RIT2: variants seen among roughly 807,000 people sequenced by gnomAD.
RIT2 encodes Ras like without CAAX 2, also known as GTP-binding protein Rit2.
Under a neutral mutation model 23.7 loss-of-function variants are expected in RIT2, and 24 were observed. That is an observed-to-expected ratio of 1.01 (90% CI 0.73 to 1.43). RIT2 has a LOEUF of 1.43. RIT2 is among the 40% of genes most tolerant of loss of function. RIT2 has a pLI of 0.00. For synonymous variants in RIT2, 107 were observed against 91.1 expected, an observed-to-expected ratio of 1.17 and a Z score of -0.99; for missense variants, 236 against 266.9, an observed-to-expected ratio of 0.88 and a Z score of 0.81.
intron 2 of RIT2, among the ~76,000 whole-genome samples, chr18:43,022,859 G>A (rs1247600020): frequency 6.6e-6 from 1 of 152,020 alleles, no homozygotes; most frequent in Admixed American, 6.6e-5. Context: ...ACTCAACAGC[G>A]ATAAGATTAT....
chr18:42,897,645 GA>G (rs565392385), intron 4 of RIT2, among the ~76,000 whole-genome samples: 21 of 151,216 alleles, frequency 1.4e-4, no homozygotes, highest in South Asian at 4.2e-4. Context: ...TGTAGTTAGG[GA>G]AAAAAAATGT....
intron 2 of RIT2, among the ~76,000 whole-genome samples, chr18:43,014,886 A>C (rs1190909681): frequency 6.6e-6 from 1 of 151,788 alleles, no homozygotes; most frequent in Non-Finnish European, 1.5e-5. Flanking sequence ...TAATATAGCC[A>C]TGTACAATAA....
intron 3 of RIT2, among the ~76,000 whole-genome samples, chr18:42,970,741 A>G (rs1910342991): frequency 6.6e-6 from 1 of 152,028 alleles, no homozygotes; most frequent in Non-Finnish European, 1.5e-5. Context: ...ATATCCATTT[A>G]TATTCAATCA....
At chr18:42,803,077 A>G (rs1038397266) in intron 4 of RIT2, among the ~76,000 whole-genome samples, 9 of 152,152 alleles carry the variant, frequency 5.9e-5, no homozygotes, top group South Asian at 2.1e-4. Context: ...CTTCATTCAC[A>G]TATAATTTTA....
intron 1 of RIT2, among the ~76,000 whole-genome samples, chr18:43,051,893 A>G (rs770982617): frequency 2.0e-5 from 3 of 152,116 alleles, no homozygotes; most frequent in Non-Finnish European, 4.4e-5. Flanking sequence ...CTACTTGTTC[A>G]AGCTAGAGGT....
chr18:43,065,802 A>G (rs1278338720), intron 1 of RIT2, among the ~76,000 whole-genome samples: 1 of 152,194 alleles, frequency 6.6e-6, no homozygotes, highest in Non-Finnish European at 1.5e-5. Flanking sequence ...TAGAGGGAAG[A>G]CATGAACAAT....
intron 1 of RIT2, among the ~76,000 whole-genome samples, chr18:43,090,536 T>C (rs955938287): frequency 6.6e-6 from 1 of 152,120 alleles, no homozygotes; most frequent in Non-Finnish European, 1.5e-5. Flanking sequence ...CCCAAAGGAA[T>C]GTAAATCATT....
intron 4 of RIT2, among the ~76,000 whole-genome samples, chr18:42,802,908 T>TG (rs1568000033): frequency 6.6e-6 from 1 of 152,080 alleles, no homozygotes; most frequent in African/African-American, 2.4e-5. Flanking sequence ...CCAGCTTTTT[T>TG]TGTGTGTGTG....
chr18:43,040,980 A>C (rs541178434), intron 1 of RIT2, among the ~76,000 whole-genome samples: 28 of 152,270 alleles, frequency 1.8e-4, no homozygotes, highest in Non-Finnish European at 2.1e-4. Flanking sequence ...TACTTTTAAA[A>C]ATTTTTGTAG....
At chr18:42,885,348 G>A (rs1907993739) in intron 4 of RIT2, among the ~76,000 whole-genome samples, 1 of 152,178 alleles carries the variant, frequency 6.6e-6, no homozygotes, top group African/African-American at 2.4e-5. Flanking sequence ...CACTTTGGGA[G>A]GCCAAGGTGG....
chr18:42,941,434 T>A (rs1356802075), intron 3 of RIT2, among the ~76,000 whole-genome samples: 2 of 152,126 alleles, frequency 1.3e-5, no homozygotes, highest in African/African-American at 4.8e-5. Context: ...AAGTCTGTTT[T>A]CCAGGAGGGA....
chr18:43,035,842 T>C (rs1436434271), intron 1 of RIT2, among the ~76,000 whole-genome samples: 2 of 152,230 alleles, frequency 1.3e-5, no homozygotes, highest in Non-Finnish European at 2.9e-5. Flanking sequence ...GTTCTATATG[T>C]AGTTCTTTAT....
chr18:42,789,130 A>G (rs1221919575), intron 4 of RIT2, among the ~76,000 whole-genome samples: 1 of 152,160 alleles, frequency 6.6e-6, no homozygotes, highest in Non-Finnish European at 1.5e-5. Context: ...CGCTAGTAGA[A>G]TTGGGTGCCA....
At chr18:43,097,924 A>G (rs1913593197) in intron 1 of RIT2, among the ~76,000 whole-genome samples, 1 of 151,966 alleles carries the variant, frequency 6.6e-6, no homozygotes, top group Non-Finnish European at 1.5e-5. Context: ...AATGGATATT[A>G]AAAACTCCAA....
At chr18:43,034,103 T>C (rs1262963234) in intron 1 of RIT2, among the ~76,000 whole-genome samples, 4 of 152,156 alleles carry the variant, frequency 2.6e-5, no homozygotes, top group African/African-American at 9.7e-5. Context: ...TAAGTGTATT[T>C]CAATAAAAAT....
At chr18:43,059,989 A>T (rs554410458) in intron 1 of RIT2, among the ~76,000 whole-genome samples, 1 of 152,252 alleles carries the variant, frequency 6.6e-6, no homozygotes, top group East Asian at 1.9e-4. Flanking sequence ...AGTTCCAGGA[A>T]GTTTATGTCA....
chr18:42,935,751 G>A (rs1401657156), intron 3 of RIT2, among the ~76,000 whole-genome samples: 1 of 152,080 alleles, frequency 6.6e-6, no homozygotes, highest in African/African-American at 2.4e-5. Context: ...TGAAAGTAGG[G>A]ATTTACTGAA....
intron 3 of RIT2, among the ~76,000 whole-genome samples, chr18:42,951,032 A>C (rs1909840186): frequency 6.6e-6 from 1 of 152,144 alleles, no homozygotes; most frequent in Admixed American, 6.6e-5. Flanking sequence ...AACTTAATGC[A>C]GAACTGCCAT....
chr18:42,846,680 G>A (rs1906918238), intron 4 of RIT2, among the ~76,000 whole-genome samples: 1 of 151,854 alleles, frequency 6.6e-6, no homozygotes, highest in African/African-American at 2.4e-5. Context: ...GAAGAAGGAA[G>A]AAAAAGTAAA....
Sources: gnomAD v4.1 joint callset for allele counts (sites outside exome capture counted in the v4.1 genomes callset) on GRCh38, gnomAD v4.1.1 for gene constraint, MANE v1.5 for transcripts, NCBI Gene and HGNC (gene_info 2026-07-23, HGNC 2026-07-21) for gene names.